Variants in USP8 observed in about 807,000 individuals in gnomAD.
USP8 encodes ubiquitin carboxyl-terminal hydrolase 8.
A neutral mutation model predicts 130.0 loss-of-function variants in USP8; 27 were observed. That is an observed-to-expected ratio of 0.21 (90% CI 0.15 to 0.29). The LOEUF (loss-of-function observed/expected upper bound fraction) is 0.29, where lower values mean the gene tolerates loss of function less well. Among genes scored for constraint, USP8 ranks in the 10% least tolerant of loss-of-function variants. USP8 has a pLI of 1.00. For missense variants in USP8, 1,029 were observed against 1,312.2 expected (o/e 0.78, Z 3.33); for synonymous variants, 392 against 444.1 (o/e 0.88, Z 1.48).
intron 5 of USP8, among the ~76,000 whole-genome samples, chr15:50,461,963 G>GT (rs548992764): frequency 1.1e-3 from 160 of 152,238 alleles, no homozygotes; most frequent in African/African-American, 3.7e-3. Flanking sequence ...TTGTTTGATT[G>GT]TAAGAAGTAC....
At position 50,498,528 on chromosome 15, in the gene USP8, T is replaced by G. The variant is rs915727916; in HGVS notation, c.3039-68T>G. Reference sequence around the variant, plus strand: ...TTACAGTCCTGGCTAAAAATCTAGATGTTAATGAATGAGGATTCATCCTGG... The same window carrying G: ...TTACAGTCCTGGCTAAAAATCTAGAGGTTAATGAATGAGGATTCATCCTGG... On this transcript the variant is annotated intron_variant, in intron 18 of 19. Coordinates refer to ENST00000307179, the MANE Select transcript of USP8 (RefSeq NM_005154.5). 7 of 1,476,488 alleles carry G rather than the reference T, an allele frequency of 4.7e-6. No homozygotes were observed. The African/African-American group carries it at 9.9e-5, about 21-fold the overall frequency. 91.5% of individuals were successfully genotyped at this position (1,476,488 alleles called of 1,614,324 possible). A position where few individuals can be genotyped will look rare whatever the true frequency, so the allele number is the denominator to read the frequency against.
At chr15:50,483,683 G>T (rs555060722) in intron 11 of USP8, among the ~76,000 whole-genome samples, 83 of 151,804 alleles carry the variant, frequency 5.5e-4, no homozygotes, top group Non-Finnish European at 1.0e-3. Flanking sequence ...AGTCCCAGCT[G>T]CTTGGGAGGC....
rs1213598743 is a variant in USP8, at chr15:50,497,224, C to G, written c.3031C>G (p.Leu1011Val). Reference protein sequence around the residue: ...WKLPPVLLVHLKRFSYDGRWK... With the variant: ...WKLPPVLLVHVKRFSYDGRWK... ...GTTACCACCTGTGCTTTTAGTGCAT[C>G]TGAAACGGTAAAGGGGAAAGTTTGT... Residue 1011 changes from leucine (L) to valine (V), a missense_variant, in exon 18 of 20, where the codon CTG becomes GTG. Physicochemically the swap from Leu to Val is conservative, Grantham distance 32. Transcript: ENST00000307179. 8.7e-6 allele frequency: 14 copies of G among 1,602,454 alleles called. No individual in the cohort carries two copies. Among genetic ancestry groups the G allele is most frequent in the Non-Finnish European group, 1.1e-5 (13 of 1,176,732 alleles).
chr15:50,468,712 C>T (rs936567207), intron 7 of USP8, among the ~76,000 whole-genome samples: 3 of 152,126 alleles, frequency 2.0e-5, no homozygotes, highest in African/African-American at 7.2e-5. Context: ...TTACACTCCC[C>T]CCTCAAGTAG....
At position 50,475,541 on chromosome 15, in the gene USP8, A is replaced by T. The variant is rs142038551; in HGVS notation, c.850-1308A>T. Among the ~76,000 whole-genome samples, 3 of 152,238 alleles carry T rather than the reference A, an allele frequency of 2.0e-5. No homozygotes were observed. The East Asian group carries it at 5.8e-4, about 29-fold the overall frequency. The stretch of plus-strand genomic sequence containing the variant: ...CTAGGTAATTATCCTAAAGAAATAC[A>T]TATATATACATGTATATATACACAC... On this transcript the variant is annotated intron_variant, in intron 8 of 19. Transcript: ENST00000307179.
rs1175672999 is a variant in USP8 at position 50,504,069 on chromosome 15, ATG to A, written c.*4984_*4985del. 6.6e-6 allele frequency: 1 copy of A among 152,206 alleles called. No individual in the cohort carries two copies. Among genetic ancestry groups the A allele is most frequent in the African/African-American group, 2.4e-5 (1 of 41,458 alleles). 9.4% of individuals were successfully genotyped at this position (152,206 alleles called of 1,614,324 possible). ...GGCTCTGCATCTTCAGAATCAACTA[ATG>A]TGATGGGAAAGATTTGAAAAAATAA... On this transcript the variant is annotated 3_prime_UTR_variant, in exon 20 of 20. Coordinates refer to ENST00000307179, the MANE Select transcript of USP8 (RefSeq NM_005154.5).
chr15:50,432,081 G>A (rs536278442), intron 1 of USP8, among the ~76,000 whole-genome samples: 12 of 152,258 alleles, frequency 7.9e-5, no homozygotes, highest in African/African-American at 2.4e-4. Flanking sequence ...GTAATTGTCT[G>A]TTGATCCCAT....
intron 15 of USP8, chr15:50,493,399 G>GTACT: frequency 1.9e-6 from 1 of 519,082 alleles, no homozygotes; most frequent in Non-Finnish European, 3.8e-6. Context: ...TCAAACCATA[G>GTACT]TACTTACCAC....
intron 11 of USP8, 31 bp downstream of exon 11, chr15:50,482,096 A>T (rs763058147): frequency 1.4e-6 from 2 of 1,456,878 alleles, no homozygotes; most frequent in African/African-American, 2.9e-5. Flanking sequence ...TTGCCAACGA[A>T]GTGAAAGAAA....
intron 10 of USP8, among the ~76,000 whole-genome samples, chr15:50,477,724 C>T (rs1393020440): frequency 6.6e-6 from 1 of 151,772 alleles, no homozygotes; most frequent in Non-Finnish European, 1.5e-5. Flanking sequence ...GCCTATAAAT[C>T]CAGCTGTTTG....
chr15:50,436,968 C>G (rs545008751), intron 1 of USP8, among the ~76,000 whole-genome samples: 2 of 152,062 alleles, frequency 1.3e-5, no homozygotes, highest in South Asian at 4.2e-4. Flanking sequence ...CCATGCCCAG[C>G]CCCAATGTTC....
chr15:50,486,150 C>T (rs994471313), intron 12 of USP8, among the ~76,000 whole-genome samples: 2 of 151,972 alleles, frequency 1.3e-5, no homozygotes, highest in African/African-American at 2.4e-5. Flanking sequence ...AAATCTGAGA[C>T]CAGCCTTGGC....
chr15:50,493,023 G>C (rs1566888602), intron 15 of USP8, 110 bp downstream of exon 15: 1 of 1,123,104 alleles, frequency 8.9e-7, no homozygotes, highest in African/African-American at 1.5e-5. Flanking sequence ...CCTAAGACTA[G>C]ATAATTTGTA....
At position 50,502,817 on chromosome 15, in the gene USP8, T is replaced by A. The variant is rs2052610469; in HGVS notation, c.*3729T>A. On this transcript the variant is annotated 3_prime_UTR_variant, in exon 20 of 20. Transcript: ENST00000307179. Reference sequence around the variant, plus strand: ...CCAGAATGAAAATGGATCTGACTAGTTAATTCCAACGTGAATTCGGGTGTA... The same window carrying A: ...CCAGAATGAAAATGGATCTGACTAGATAATTCCAACGTGAATTCGGGTGTA... 1.3e-5 allele frequency: 2 copies of A among 152,290 alleles called. No homozygotes were observed. Among genetic ancestry groups the A allele is most frequent in the African/African-American group, 4.8e-5 (2 of 41,456 alleles). 9.4% of individuals were successfully genotyped at this position (152,290 alleles called of 1,614,324 possible).
rs572462098 is a variant in USP8, at chr15:50,477,306, C to T, written c.1025C>T (p.Ser342Leu). ...LDFTYPSLEE[S>L]IPSKPAAQTP... ...TTTACTTATCCCTCATTGGAAGAAT[C>T]AATTCCTTCTAAACCTGCTGCCCAG... is the stretch of plus-strand genomic sequence containing the variant. Residue 342 changes from serine (S) to leucine (L), a missense_variant, in exon 10 of 20, where the codon TCA (serine) becomes TTA (leucine). By Grantham distance (145) the Ser-to-Leu change is moderately radical. Transcript: ENST00000307179. The T allele has an allele frequency of 4.3e-6, 7 of 1,613,092 alleles. No homozygotes were observed. In the Admixed American group the frequency reaches 8.4e-5, roughly 19 times the overall value.
intron 16 of USP8, 117 bp from the exon 17 acceptor site, chr15:50,495,731 T>A: frequency 1.2e-6 from 1 of 808,338 alleles, no homozygotes; most frequent in Non-Finnish European, 1.9e-6. Flanking sequence ...TCAGAACTCC[T>A]TTATGAGAAC....
At chr15:50,427,393 G>T (rs1316050771) in intron 1 of USP8, among the ~76,000 whole-genome samples, 1 of 152,054 alleles carries the variant, frequency 6.6e-6, no homozygotes, top group Non-Finnish European at 1.5e-5. Flanking sequence ...GTAAACTGAA[G>T]AGTGGTGGTG....
intron 17 of USP8, 145 bp from the exon 18 acceptor site, chr15:50,496,944 C>G (rs765695759): frequency 6.8e-5 from 70 of 1,023,784 alleles, no homozygotes; most frequent in Non-Finnish European, 9.4e-5. Context: ...CTCACTAGAT[C>G]ACAAGCTTTG....
At chr15:50,458,020 C>T (rs1449819786) in intron 4 of USP8, among the ~76,000 whole-genome samples, 2 of 151,840 alleles carry the variant, frequency 1.3e-5, no homozygotes, top group Non-Finnish European at 1.5e-5. Context: ...TCTGTTTTAT[C>T]TTCTCTCTCT....
Sources: gnomAD v4.1 joint callset for allele counts (sites outside exome capture counted in the v4.1 genomes callset) on GRCh38, gnomAD v4.1.1 for gene constraint, MANE v1.5 for transcripts, NCBI Gene and HGNC (gene_info 2026-07-23, HGNC 2026-07-21) for gene names.